The following HERC5 variants were observed in gnomAD, a reference collection of about 807,000 sequenced individuals.
HERC5 encodes the protein HECT and RLD domain containing E3 ubiquitin protein ligase 5.
HERC5 carries 99 observed loss-of-function variants against 119.6 expected under a neutral mutation model. That is an observed-to-expected ratio of 0.83 (90% CI 0.70 to 0.98). HERC5 has a LOEUF of 0.98. Among genes scored for constraint, HERC5 ranks in the 50% least tolerant of loss-of-function variants. The pLI, the probability that HERC5 is intolerant of heterozygous loss-of-function variation, is 0.00. For synonymous variants in HERC5, 478 were observed against 445.9 expected, an observed-to-expected ratio of 1.07 and a Z score of -0.91; for missense variants, 1,267 against 1,241.3, an observed-to-expected ratio of 1.02 and a Z score of -0.31.
intron 19 of HERC5, 69 bp from the exon 20 acceptor site, chr4:88,500,846 T>A: frequency 9.0e-7 from 1 of 1,116,308 alleles, no homozygotes; most frequent in African/African-American, 1.6e-5. Flanking sequence ...TGCTCCAAAG[T>A]GTTTTTATTG....
At position 88,459,476 on chromosome 4, in the gene HERC5, G is replaced by C; in HGVS notation, c.389+6G>C. The C allele has an allele frequency of 6.6e-7, 1 of 1,515,148 alleles. No homozygotes were observed. Among genetic ancestry groups the C allele is most frequent in the Non-Finnish European group, 8.8e-7 (1 of 1,131,818 alleles). 93.9% of individuals were successfully genotyped at this position (1,515,148 alleles called of 1,614,324 possible). A position where few individuals can be genotyped will look rare whatever the true frequency, so the allele number is the denominator to read the frequency against. On this transcript the variant is annotated splice_donor_region_variant and intron_variant, in intron 2 of 22. Transcript: ENST00000264350. Reference sequence around the variant, plus strand: ...TATAGCATGAAACATCTAAGGTAGGGAACTTTTTTCTTTTATTAAAAATTA... The same window carrying C: ...TATAGCATGAAACATCTAAGGTAGGCAACTTTTTTCTTTTATTAAAAATTA...
intron 11 of HERC5, among the ~76,000 whole-genome samples, chr4:88,474,056 T>C (rs1740965417): frequency 6.6e-6 from 1 of 152,238 alleles, no homozygotes; most frequent in Admixed American, 6.5e-5. Flanking sequence ...GAATACTTGC[T>C]GTGTGCTGGG....
chr4:88,479,384 T>A lies in HERC5; in HGVS notation c.1614T>A (p.Thr538=). Residue 538 remains threonine (T), a synonymous_variant, in exon 13 of 23, where the codon ACT becomes ACA. Coordinates refer to ENST00000264350, the MANE Select transcript of HERC5 (RefSeq NM_016323.4). ...ATTGGGCAACTCTGCAAGAATCCAC[T>A]TTCAGCAAACTGGTCCAGATGTTTA... ...EEYWATLQES[T]FSKLVQMFKT... 1.2e-6 allele frequency: 2 copies of A among 1,609,408 alleles called. No homozygotes were observed. The highest frequency in any genetic ancestry group is 2.2e-5 in the South Asian group (2 of 89,822).
chr4:88,467,557 C>G (rs1740715341), intron 7 of HERC5, among the ~76,000 whole-genome samples: 1 of 152,164 alleles, frequency 6.6e-6, no homozygotes, highest in Non-Finnish European at 1.5e-5. Context: ...TTAAGTTGAT[C>G]CACAGTCATA....
intron 13 of HERC5, among the ~76,000 whole-genome samples, chr4:88,484,028 C>T (rs1048957213): frequency 6.6e-6 from 1 of 152,172 alleles, no homozygotes; most frequent in Non-Finnish European, 1.5e-5. Flanking sequence ...TCTCTCTGTA[C>T]CCCATTCTGG....
chr4:88,473,954 T>C (rs1193664734), intron 11 of HERC5: 1 of 152,254 alleles, frequency 6.6e-6, no homozygotes, highest in Non-Finnish European at 1.5e-5. Flanking sequence ...GATGATTGGA[T>C]TAGAAGACCT....
chr4:88,477,856 TGG>T (rs1407892590), intron 12 of HERC5, among the ~76,000 whole-genome samples: 1 of 152,220 alleles, frequency 6.6e-6, no homozygotes, highest in East Asian at 1.9e-4. Flanking sequence ...TACTTTAAAA[TGG>T]TTTTTGTTTT....
Position 88,493,127 on chromosome 4 carries a change from G to C in HERC5, c.2249G>C (p.Gly750Ala). 1 of 1,613,602 alleles carries C rather than the reference G, an allele frequency of 6.2e-7. No individual in the cohort carries two copies. The highest frequency in any genetic ancestry group is 8.5e-7 in the Non-Finnish European group (1 of 1,179,728). Residue 750 changes from glycine (G) to alanine (A), a missense_variant, in exon 17 of 23, where the codon GGG becomes GCG. By Grantham distance (60) the Gly-to-Ala change is moderately conservative. Around this residue, in one of 3 missense-constraint regions of HERC5, gnomAD observed 473 missense variants for 445.7 expected, o/e 1.06. Coordinates refer to ENST00000264350, the MANE Select transcript of HERC5 (RefSeq NM_016323.4). Reference protein sequence around the residue: ...PEYGMFMYPEGASCMWFPVKP... With the variant: ...PEYGMFMYPEAASCMWFPVKP... ...TATGGGATGTTCATGTATCCTGAAG[G>C]GGCTTCCTGCATGTGGTTTCCTGTC...
intron 12 of HERC5, among the ~76,000 whole-genome samples, chr4:88,478,041 A>C (rs1741144580): frequency 6.6e-6 from 1 of 152,244 alleles, no homozygotes; most frequent in Non-Finnish European, 1.5e-5. Flanking sequence ...AATTAATTAC[A>C]TCAAGTTTGT....
intron 4 of HERC5, among the ~76,000 whole-genome samples, chr4:88,462,764 G>A (rs1379545348): frequency 6.6e-6 from 1 of 152,106 alleles, no homozygotes; most frequent in African/African-American, 2.4e-5. Context: ...TATTACAAAA[G>A]AATACTAAAA....
At chr4:88,486,993 A>G in intron 14 of HERC5, 76 bp from the exon 15 acceptor site, 2 of 925,436 alleles carry the variant, frequency 2.2e-6, no homozygotes. Context: ...ACCATCAGGG[A>G]TGTAAGGCTA....
chr4:88,478,103 A>G (rs919494653), intron 12 of HERC5, among the ~76,000 whole-genome samples: 17 of 152,164 alleles, frequency 1.1e-4, no homozygotes, highest in African/African-American at 3.9e-4. Flanking sequence ...TATTAGTAGT[A>G]TTTTTTAATA....
Position 88,469,219 on chromosome 4 carries a change from G to A in HERC5, c.1197G>A (p.Trp399Ter). 6.2e-7 allele frequency: 1 copy of A among 1,613,708 alleles called. No individual in the cohort carries two copies. Among genetic ancestry groups the A allele is most frequent in the Non-Finnish European group, 8.5e-7 (1 of 1,179,620 alleles). ...PTLNEGTVKRWIADVETKRWQ... is the reference protein window; with the variant it reads ...PTLNEGTVKR ...TGAATGAAGGGACTGTAAAGAGATG[G>A]ATTGCTGATGTGGAGACTAAACGGT... The change falls in exon 9 of 23, where the codon TGG (tryptophan) becomes TGA (stop). Residue 399 changes from tryptophan to a stop codon, truncating the protein, a stop_gained. Transcript: ENST00000264350. LOFTEE classifies it high-confidence loss of function.
rs770854785 is a variant in HERC5 at position 88,460,114 on chromosome 4, GA to G, written c.418del (p.Ile140Ter). 2.1e-4 allele frequency: 333 copies of G among 1,550,900 alleles called. No individual in the cohort carries two copies. Among genetic ancestry groups the G allele is most frequent in the Admixed American group, 2.8e-4 (16 of 57,618 alleles). On this transcript the variant is annotated frameshift_variant, in exon 3 of 23. Coordinates refer to ENST00000264350, the MANE Select transcript of HERC5 (RefSeq NM_016323.4). LOFTEE classifies it high-confidence loss of function. ...KHLRFESILQ[E>X]KKIIQITCGD... ...CATCAGGTTTGAAAGCATTTTACAA[GA>G]AAAAAAAATAATTCAGATCACATGT...
At chr4:88,471,893 C>T (rs1740880189) in intron 10 of HERC5, among the ~76,000 whole-genome samples, 3 of 151,952 alleles carry the variant, frequency 2.0e-5, no homozygotes, top group Non-Finnish European at 2.9e-5. Context: ...TTCCTTCCTT[C>T]CTTCGAAAAA....
At chr4:88,501,088 C>T in intron 20 of HERC5, 103 bp downstream of exon 20, 2 of 718,430 alleles carry the variant, frequency 2.8e-6, no homozygotes, top group Non-Finnish European at 4.6e-6. Flanking sequence ...TCTCATTAAT[C>T]ATTTTTCACT....
At chr4:88,493,797 A>G (rs781564823) in intron 17 of HERC5, among the ~76,000 whole-genome samples, 8 of 151,856 alleles carry the variant, frequency 5.3e-5, no homozygotes, top group Middle Eastern at 3.2e-3. Context: ...TATTTTTTGT[A>G]GAGATGGGGT....
intron 18 of HERC5, among the ~76,000 whole-genome samples, chr4:88,498,148 G>C (rs1043749729): frequency 2.6e-5 from 4 of 152,134 alleles, no homozygotes; most frequent in Non-Finnish European, 5.9e-5. Flanking sequence ...AGAGCCATGG[G>C]GTCCAGGCAG....
chr4:88,488,586 T>TTCTG (rs890084839), intron 15 of HERC5, among the ~76,000 whole-genome samples: 39 of 152,152 alleles, frequency 2.6e-4, no homozygotes, highest in Admixed American at 2.0e-4. Flanking sequence ...AGAATGGACA[T>TTCTG]TCTGTCTGTC....
Sources: allele counts gnomAD v4.1 joint callset (sites outside exome capture counted in the v4.1 genomes callset), GRCh38; gene constraint gnomAD v4.1.1; regional missense constraint gnomAD v4.1.1; transcripts MANE v1.5; gene names NCBI Gene and HGNC (gene_info 2026-07-23, HGNC 2026-07-21).